The following LONP2 variants were observed in gnomAD, a reference collection of about 807,000 sequenced individuals.
LONP2 encodes lon peptidase 2, peroxisomal.
In LONP2, 60 loss-of-function variants were observed where a neutral mutation model predicts 85.6. That is an observed-to-expected ratio of 0.70 (90% CI 0.57 to 0.87). The LOEUF (loss-of-function observed/expected upper bound fraction) is 0.87, where lower values mean the gene tolerates loss of function less well. LONP2 is among the 40% of genes least tolerant of loss of function. The pLI is 0.00. For synonymous variants in LONP2, 395 were observed against 389.7 expected, an observed-to-expected ratio of 1.01 and a Z score of -0.16; for missense variants, 860 against 1,063.5, an observed-to-expected ratio of 0.81 and a Z score of 2.66.
intron 7 of LONP2, among the ~76,000 whole-genome samples, chr16:48,276,188 A>G (rs1221476835): frequency 6.6e-6 from 1 of 152,214 alleles, no homozygotes. Context: ...TTAACAGGAC[A>G]ATGTTTATTG....
At chr16:48,258,279 G>C (rs966567938) in intron 3 of LONP2, among the ~76,000 whole-genome samples, 8 of 151,666 alleles carry the variant, frequency 5.3e-5, no homozygotes, top group Admixed American at 2.0e-4. Context: ...CCCAGGAGGG[G>C]GAGCTTGCAC....
At chr16:48,324,857 T>C (rs1474086960) in intron 11 of LONP2, among the ~76,000 whole-genome samples, 1 of 152,166 alleles carries the variant, frequency 6.6e-6, no homozygotes, top group Non-Finnish European at 1.5e-5. Context: ...TTTCAGTACA[T>C]GTATACATTG....
chr16:48,344,278 C>T (rs1020291952), intron 12 of LONP2: 2 of 152,096 alleles, frequency 1.3e-5, no homozygotes, highest in Non-Finnish European at 2.9e-5. Flanking sequence ...AATATGACTC[C>T]AAGTCTAAGA....
In LONP2 at chr16:48,296,018, T is replaced by A; in HGVS notation, c.1387T>A (p.Leu463Met). 2 of 1,614,124 alleles carry A rather than the reference T, an allele frequency of 1.2e-6. No homozygotes were observed. The highest frequency in any genetic ancestry group is 2.2e-5 in the South Asian group (2 of 91,068). The change falls in exon 9 of 15, where the codon TTG becomes ATG. Residue 463 changes from leucine to methionine, a missense_variant. This residue lies in a region of LONP2 where 743 missense variants were observed against 917.3 expected (regional missense o/e 0.81). Transcript: ENST00000285737. ...AATGTTTTTTGTTCTCCCCTAGGTG[T>A]TGGATCCTGAACAAAACCATAACTT... ...GDPAAALLEV[L>M]DPEQNHNFTD...
At chr16:48,296,445 A>G (rs1320668181) in intron 9 of LONP2, among the ~76,000 whole-genome samples, 1 of 152,196 alleles carries the variant, frequency 6.6e-6, no homozygotes. Context: ...CTAAAATGGC[A>G]GGCTGTGTGT....
At chr16:48,272,382 G>C (rs531341913) in intron 7 of LONP2, among the ~76,000 whole-genome samples, 6 of 152,146 alleles carry the variant, frequency 3.9e-5, no homozygotes, top group African/African-American at 1.4e-4. Context: ...TAGTGTCATG[G>C]TTCTCACCAC....
chr16:48,244,352 C>T lies in LONP2; in HGVS notation c.-37C>T, dbSNP rs775514274. 2.7e-6 allele frequency: 4 copies of T among 1,455,368 alleles called. No homozygotes were observed. The highest frequency in any genetic ancestry group is 1.3e-5 in the South Asian group (1 of 76,290). 90.2% of individuals were successfully genotyped at this position (1,455,368 alleles called of 1,614,324 possible). A position where few individuals can be genotyped will look rare whatever the true frequency, so the allele number is the denominator to read the frequency against. ...AGGCCGGGGGCAGCTGTCTGTCTGG[C>T]TCTTTTTGACAGCCCCCAGTGCGAA... On this transcript the variant is annotated 5_prime_UTR_variant, in exon 1 of 15. Transcript: ENST00000285737.
intron 12 of LONP2, among the ~76,000 whole-genome samples, chr16:48,336,035 G>GC (rs1265456788): frequency 2.0e-5 from 3 of 152,188 alleles, no homozygotes; most frequent in African/African-American, 7.2e-5. Flanking sequence ...CTCCTGCATG[G>GC]CCGATGACCT....
At chr16:48,287,413 A>T (rs572811667) in intron 8 of LONP2, among the ~76,000 whole-genome samples, 10 of 152,372 alleles carry the variant, frequency 6.6e-5, no homozygotes, top group African/African-American at 9.6e-5. Context: ...AGTCCCAACT[A>T]GTTTCATTGC....
intron 2 of LONP2, among the ~76,000 whole-genome samples, chr16:48,255,167 T>C (rs74016342): frequency 0.012 from 1,866 of 152,344 alleles, 40 homozygotes; most frequent in African/African-American, 0.042. Context: ...AGTCGCATAA[T>C]GTGAGTGTCT....
downstream of LONP2, chr16:48,361,625 T>C: frequency 6.2e-7 from 1 of 1,613,064 alleles, no homozygotes; most frequent in Non-Finnish European, 8.5e-7. Context: ...TGCCATTTTC[T>C]GCAAAAAGCT....
Position 48,244,404 on chromosome 16 carries a change from C to G in LONP2, c.16C>G (p.Pro6Ala), listed in dbSNP as rs755910224. 8.3e-6 allele frequency: 13 copies of G among 1,569,190 alleles called. No homozygotes were observed. The highest frequency in any genetic ancestry group is 2.8e-5 in the African/African-American group (2 of 71,892). MSSVSPIQIPSRLPLL... is the reference protein window; with the variant it reads MSSVSAIQIPSRLPLL... ...GGCTGCCAGCATGTCATCAGTGAGCCCCATCCAGATCCCCAGTCGCCTCCC... is the reference window on the plus strand; with the variant it reads ...GGCTGCCAGCATGTCATCAGTGAGCGCCATCCAGATCCCCAGTCGCCTCCC... Residue 6 changes from proline (P) to alanine (A), a missense_variant, in exon 1 of 15, where the codon CCC becomes GCC. Physicochemically the swap from Pro to Ala is conservative, Grantham distance 27 (BLOSUM62 -1). This residue lies in a region of LONP2 where 743 missense variants were observed against 917.3 expected (regional missense o/e 0.81). Transcript: ENST00000285737.
At chr16:48,331,052 G>C (rs1688080383) in intron 11 of LONP2, among the ~76,000 whole-genome samples, 1 of 152,184 alleles carries the variant, frequency 6.6e-6, no homozygotes. Flanking sequence ...ACAGTAATTA[G>C]ATCTCAGAAA....
intron 10 of LONP2, among the ~76,000 whole-genome samples, chr16:48,302,159 A>G (rs1056895703): frequency 6.6e-6 from 1 of 152,156 alleles, no homozygotes; most frequent in Non-Finnish European, 1.5e-5. Context: ...GGCATATCCC[A>G]TTTTGTATTT....
intron 11 of LONP2, among the ~76,000 whole-genome samples, chr16:48,311,623 A>G (rs1464848422): frequency 7.3e-5 from 11 of 151,588 alleles, no homozygotes; most frequent in Admixed American, 7.2e-4. Context: ...TTGTTGAGCT[A>G]CTTTTTTTCT....
intron 11 of LONP2, among the ~76,000 whole-genome samples, chr16:48,308,567 C>T (rs558413679): frequency 1.3e-5 from 2 of 148,440 alleles, no homozygotes; most frequent in Non-Finnish European, 3.0e-5. Context: ...GCGGATGGTG[C>T]AGTGAGCCGA....
intron 6 of LONP2, among the ~76,000 whole-genome samples, chr16:48,264,842 C>T (rs955319741): frequency 2.6e-5 from 4 of 152,196 alleles, no homozygotes; most frequent in South Asian, 2.1e-4. Flanking sequence ...CCGGTCCCTC[C>T]GTTTGGGGTC....
In LONP2 at chr16:48,328,221, C is replaced by T. The variant is rs151178546; in HGVS notation, c.1796-5995C>T. Among the ~76,000 whole-genome samples the T allele has an allele frequency of 4.0e-3, 614 of 152,142 alleles. 24 individuals carry two copies. In the East Asian group the frequency reaches 0.086, roughly 21 times the overall value. On this transcript the variant is annotated intron_variant, in intron 11 of 14. Transcript: ENST00000285737. The stretch of plus-strand genomic sequence containing the variant: ...GGCCAGGAGTTCAAGACCAACCTGG[C>T]CAACATAGTGAAACCCCGTCTCTAC...
At chr16:48,258,276 G>C (rs376464871) in intron 3 of LONP2, among the ~76,000 whole-genome samples, 2 of 151,678 alleles carry the variant, frequency 1.3e-5, no homozygotes, top group Non-Finnish European at 2.9e-5. Context: ...GAACCCAGGA[G>C]GGGGAGCTTG....
Sources: gnomAD v4.1 joint callset for allele counts (sites outside exome capture counted in the v4.1 genomes callset) on GRCh38, gnomAD v4.1.1 for gene constraint, gnomAD v4.1.1 regional missense constraint, MANE v1.5 for transcripts, NCBI Gene and HGNC (gene_info 2026-07-23, HGNC 2026-07-21) for gene names.